RIMKLB: variants seen among roughly 807,000 people sequenced by gnomAD.
RIMKLB encodes ribosomal modification protein rimK like family member B.
RIMKLB carries 7 observed loss-of-function variants against 32.0 expected under a neutral mutation model. That is an observed-to-expected ratio of 0.22 (90% CI 0.12 to 0.41). RIMKLB has a LOEUF of 0.41. Among genes scored for constraint, RIMKLB ranks in the 10% least tolerant of loss-of-function variants. The pLI, the probability that RIMKLB is intolerant of heterozygous loss-of-function variation, is 1.00. For missense variants in RIMKLB, 289 were observed against 498.7 expected, an observed-to-expected ratio of 0.58 and a Z score of 4.00; for synonymous variants, 172 against 185.1, an observed-to-expected ratio of 0.93 and a Z score of 0.57.
upstream of RIMKLB, among the ~76,000 whole-genome samples, chr12:8,680,996 T>TTTG (rs1417327860): frequency 1.3e-5 from 2 of 152,102 alleles, no homozygotes; most frequent in African/African-American, 4.8e-5. Context: ...GTCTTTTTTT[T>TTTG]TTTTTTGAGA....
At chr12:8,683,121 A>G (rs1247022615) in intron 1 of RIMKLB, among the ~76,000 whole-genome samples, 1 of 152,124 alleles carries the variant, frequency 6.6e-6, no homozygotes, top group Admixed American at 6.5e-5. Flanking sequence ...TTAATATCCC[A>G]TTGTCTGAAT....
chr12:8,775,342 G>GC lies in RIMKLB; in HGVS notation c.*1563dup, dbSNP rs1276943768. The GC allele has an allele frequency of 2.0e-6, 2 of 985,318 alleles. No homozygotes were observed. The highest frequency in any genetic ancestry group is 2.3e-4 in the East Asian group (2 of 8,818). The allele number at this position is 985,318 out of a possible 1,614,324, so 61.0% of individuals were successfully genotyped here. ...TCCTTTACTTGCAGAATTTATAAAAGCCCCCAAACTGCATATAATATGAGC... is the reference window on the plus strand; with the variant it reads ...TCCTTTACTTGCAGAATTTATAAAAGCCCCCCAAACTGCATATAATATGAGC... On this transcript the variant is annotated 3_prime_UTR_variant, in exon 6 of 6. Coordinates refer to ENST00000535829, the MANE Select transcript of RIMKLB (RefSeq NM_001297776.2).
At chr12:8,714,152 A>G (rs1411881151) in intron 2 of RIMKLB, 111 bp downstream of exon 2, 1 of 780,900 alleles carries the variant, frequency 1.3e-6, no homozygotes, top group Admixed American at 2.7e-5. Context: ...ATTACTAAGT[A>G]TCTTCTAATT....
At chr12:8,718,669 A>ATGTGTGTGTGTGTGTGTGTGTG (rs1182850325) in intron 2 of RIMKLB, among the ~76,000 whole-genome samples, 1 of 116,124 alleles carries the variant, frequency 8.6e-6, no homozygotes, top group African/African-American at 3.3e-5. Flanking sequence ...ATATATATAT[A>ATGTGTGTGTGTGTGTGTGTGTG]TGTGTGTGTG....
chr12:8,720,968 A>G (rs1045532805), intron 2 of RIMKLB, among the ~76,000 whole-genome samples: 2 of 152,370 alleles, frequency 1.3e-5, no homozygotes, highest in African/African-American at 4.8e-5. Flanking sequence ...CCCTGGAACC[A>G]GGTAATTTTT....
chr12:8,743,781 C>T (rs1013156702), intron 2 of RIMKLB, among the ~76,000 whole-genome samples: 2 of 151,862 alleles, frequency 1.3e-5, no homozygotes, highest in Non-Finnish European at 2.9e-5. Context: ...CATTGCTGTT[C>T]GAGGGTTAAC....
At chr12:8,760,405 C>T (rs1031851157) in intron 5 of RIMKLB, among the ~76,000 whole-genome samples, 13 of 152,094 alleles carry the variant, frequency 8.5e-5, no homozygotes, top group African/African-American at 1.4e-4. Context: ...AATAAACATA[C>T]GTGTACATGT....
intron 5 of RIMKLB, among the ~76,000 whole-genome samples, chr12:8,769,948 G>A (rs750489005): frequency 1.4e-4 from 21 of 151,646 alleles, no homozygotes; most frequent in Admixed American, 2.0e-4. Context: ...CCTCCAAAGC[G>A]TCAAGTACTG....
intron 1 of RIMKLB, among the ~76,000 whole-genome samples, chr12:8,682,987 G>A (rs1942460588): frequency 6.6e-6 from 1 of 151,886 alleles, no homozygotes; most frequent in African/African-American, 2.4e-5. Context: ...TTTCCTGAAT[G>A]TCATATAGTT....
At chr12:8,695,186 G>T (rs1352469137), upstream of RIMKLB, among the ~76,000 whole-genome samples, 1 of 122,516 alleles carries the variant, frequency 8.2e-6, no homozygotes, top group Non-Finnish European at 1.7e-5. Context: ...TTGCCGCACC[G>T]CCCCGCCCCC....
chr12:8,671,837 G>A, the RIMKLB span, among the ~76,000 whole-genome samples: 8 of 152,144 alleles, frequency 5.3e-5, no homozygotes, highest in East Asian at 3.9e-4. Flanking sequence ...GCTTGAACCC[G>A]GGAGGCAGAG....
chr12:8,732,860 G>T (rs1414653911), intron 2 of RIMKLB, among the ~76,000 whole-genome samples: 1 of 151,832 alleles, frequency 6.6e-6, no homozygotes, highest in Non-Finnish European at 1.5e-5. Context: ...TATTTTAGAG[G>T]TTTTTATATG....
At chr12:8,700,125 TTCAGGC>T (rs1267232082) in intron 1 of RIMKLB, 2 of 152,212 alleles carry the variant, frequency 1.3e-5, no homozygotes, top group African/African-American at 4.8e-5. Flanking sequence ...TCCCTTGTCA[TTCAGGC>T]CCCTTTTCCT....
intron 1 of RIMKLB, among the ~76,000 whole-genome samples, chr12:8,707,373 G>A (rs1943977230): frequency 6.6e-6 from 1 of 152,232 alleles, no homozygotes; most frequent in African/African-American, 2.4e-5. Flanking sequence ...ATGTTTACGT[G>A]TATGTTATAA....
At chr12:8,719,884 C>T (rs1945264904) in intron 2 of RIMKLB, among the ~76,000 whole-genome samples, 1 of 152,190 alleles carries the variant, frequency 6.6e-6, no homozygotes. Flanking sequence ...ACAAAATTGT[C>T]AACTCCTGAG....
chr12:8,757,968 T>C (rs78818612), intron 5 of RIMKLB, among the ~76,000 whole-genome samples: 3 of 151,360 alleles, frequency 2.0e-5, no homozygotes, highest in African/African-American at 2.4e-5. Flanking sequence ...TTTTTTTTTT[T>C]CCTTTTTCTG....
At chr12:8,782,882 A>ATTTAAATAAGTTGTGT (rs1951182154) in intron 7 of RIMKLB, 1 of 152,134 alleles carries the variant, frequency 6.6e-6, no homozygotes, top group African/African-American at 2.4e-5. Context: ...AAAATCTATG[A>ATTTAAATAAGTTGTGT]TTTAAATAAG....
At chr12:8,708,312 G>A (rs1315186286) in intron 1 of RIMKLB, among the ~76,000 whole-genome samples, 1 of 151,934 alleles carries the variant, frequency 6.6e-6, no homozygotes, top group Admixed American at 6.6e-5. Context: ...TGCTTTTTCT[G>A]TACTAGAATA....
At chr12:8,777,795 G>C (rs1056739915), downstream of RIMKLB, 9 of 743,162 alleles carry the variant, frequency 1.2e-5, no homozygotes, top group Non-Finnish European at 1.5e-5. Flanking sequence ...GCCCCAGTCT[G>C]CCTACAGGTA....
Sources: allele counts gnomAD v4.1 joint callset (sites outside exome capture counted in the v4.1 genomes callset), GRCh38; gene constraint gnomAD v4.1.1; transcripts MANE v1.5; gene names NCBI Gene and HGNC (gene_info 2026-07-23, HGNC 2026-07-21).